The following ITSN1 variants were observed in gnomAD, a reference collection of about 807,000 sequenced individuals.
The protein encoded by ITSN1 is intersectin 1.
A neutral mutation model predicts 239.8 loss-of-function variants in ITSN1; 58 were observed. The observed-to-expected ratio is 0.24, with a 90% confidence interval of 0.20 to 0.30. The LOEUF (loss-of-function observed/expected upper bound fraction) is 0.30. Among genes scored for constraint, ITSN1 ranks in the 10% least tolerant of loss-of-function variants. The pLI is 1.00. For missense variants in ITSN1, 1,558 were observed against 2,103.3 expected (o/e 0.74, Z 5.07); for synonymous variants, 780 against 770.8 (o/e 1.01, Z -0.20).
At chr21:33,655,699 C>G (rs893472596) in intron 1 of ITSN1, among the ~76,000 whole-genome samples, 1 of 150,620 alleles carries the variant, frequency 6.6e-6, no homozygotes, top group South Asian at 2.1e-4. Flanking sequence ...TCCCAAAGTG[C>G]TGGAATTACA....
At chr21:33,701,546 A>G (rs191740749) in intron 1 of ITSN1, among the ~76,000 whole-genome samples, 1 of 152,002 alleles carries the variant, frequency 6.6e-6, no homozygotes, top group Admixed American at 6.6e-5. Flanking sequence ...TAATCCCAGC[A>G]CTTTGAGAGG....
Position 33,810,995 on chromosome 21 carries a change from A to C in ITSN1, c.2340A>C (p.Gly780=). The C allele has an allele frequency of 6.2e-7, 1 of 1,614,200 alleles. No homozygotes were observed. The highest frequency in any genetic ancestry group is 8.5e-7 in the Non-Finnish European group (1 of 1,180,038). The part of the protein sequence containing the change: ...KGEWVDESQT[G]EPGWLGGELK... The stretch of plus-strand genomic sequence containing the variant: ...CACAGGTGGATGAAAGCCAAACTGG[A>C]GAACCCGGCTGGCTTGGAGGAGAAT... The change falls in exon 21 of 40, where the codon GGA becomes GGC. Residue 780 remains glycine (G), a synonymous_variant. Coordinates refer to ENST00000381318, the MANE Select transcript of ITSN1 (RefSeq NM_003024.3).
chr21:33,675,646 A>G (rs931427280), intron 1 of ITSN1, among the ~76,000 whole-genome samples: 1 of 152,202 alleles, frequency 6.6e-6, no homozygotes, highest in Non-Finnish European at 1.5e-5. Flanking sequence ...TGTTCTCACT[A>G]GTAGCTGTGT....
chr21:33,788,966 A>C (rs943921255), intron 16 of ITSN1, among the ~76,000 whole-genome samples: 2 of 152,190 alleles, frequency 1.3e-5, no homozygotes, highest in Non-Finnish European at 2.9e-5. Context: ...TTTTTAAATG[A>C]ATGAATAAAT....
chr21:33,689,616 C>T lies in ITSN1; in HGVS notation c.-32-29181C>T, dbSNP rs560324849. The stretch of plus-strand genomic sequence containing the variant: ...GCTTGCACTCAGGAGTTCGAGGCTA[C>T]AGTGAGCTATGATCGCACCACTGTA... On this transcript the variant is annotated intron_variant, in intron 1 of 39. Coordinates refer to ENST00000381318, the MANE Select transcript of ITSN1 (RefSeq NM_003024.3). Among the ~76,000 whole-genome samples, 4 of 152,236 alleles carry T rather than the reference C, an allele frequency of 2.6e-5. No homozygotes were observed. In the South Asian group the frequency reaches 8.3e-4, roughly 32 times the overall value.
At chr21:33,781,886 A>T in intron 15 of ITSN1, 108 bp from the exon 16 acceptor site, 1 of 1,153,550 alleles carries the variant, frequency 8.7e-7, no homozygotes. Flanking sequence ...GCCTTTTCTT[A>T]TTTTTTAACC....
At chr21:33,656,883 TGCATTTTTA>T (rs1170437555) in intron 1 of ITSN1, among the ~76,000 whole-genome samples, 7 of 152,112 alleles carry the variant, frequency 4.6e-5, no homozygotes, top group South Asian at 2.1e-4. Flanking sequence ...GCTAATTTTT[TGCATTTTTA>T]GCATTTTTAG....
chr21:33,699,210 A>C (rs2091913152), intron 1 of ITSN1, among the ~76,000 whole-genome samples: 1 of 152,078 alleles, frequency 6.6e-6, no homozygotes, highest in Non-Finnish European at 1.5e-5. Context: ...TTGATGCCAC[A>C]TTTCTACCAA....
Position 33,772,275 on chromosome 21 carries a change from A to G in ITSN1, c.1257A>G (p.Leu419=). The change falls in exon 12 of 40, where the codon CTA becomes CTG. Residue 419 remains leucine (L), a synonymous_variant. Transcript: ENST00000381318. Reference sequence around the variant, plus strand: ...AGCAACTGGAAAAGCAGCGGGAGCTAGAACGGCAGAGAGAGGAGGAGAGGA... The same window carrying G: ...AGCAACTGGAAAAGCAGCGGGAGCTGGAACGGCAGAGAGAGGAGGAGAGGA... ...LEKQLEKQRE[L]ERQREEERRK... 1 of 1,575,266 alleles carries G rather than the reference A, an allele frequency of 6.3e-7. No individual in the cohort carries two copies. The highest frequency in any genetic ancestry group is 2.3e-5 in the East Asian group (1 of 43,108).
chr21:33,836,910 T>C, intron 29 of ITSN1: 3 of 1,106,726 alleles, frequency 2.7e-6, no homozygotes, highest in Non-Finnish European at 1.3e-6. Flanking sequence ...GCTGTTTACA[T>C]GCCTGACTCA....
At chr21:33,790,797 T>C (rs1179305852) in intron 16 of ITSN1, among the ~76,000 whole-genome samples, 5 of 152,108 alleles carry the variant, frequency 3.3e-5, no homozygotes, top group African/African-American at 1.2e-4. Flanking sequence ...CTTAGCCATT[T>C]CCCCCAATAA....
At chr21:33,783,693 A>C (rs2070392245) in intron 16 of ITSN1, among the ~76,000 whole-genome samples, 1 of 55,988 alleles carries the variant, frequency 1.8e-5, no homozygotes, top group African/African-American at 1.1e-4. Flanking sequence ...TTTATAAGCA[A>C]AAAAAAAAAA....
At chr21:33,666,940 A>G in intron 1 of ITSN1, among the ~76,000 whole-genome samples, 1 of 152,140 alleles carries the variant, frequency 6.6e-6, no homozygotes, top group East Asian at 1.9e-4. Flanking sequence ...CTGGGACTGC[A>G]GGGAGGCATT....
Position 33,781,453 on chromosome 21 carries a change from C to T in ITSN1, c.1597-8C>T, listed in dbSNP as rs2070172487. The stretch of plus-strand genomic sequence containing the variant: ...TCATTCATTACTATTTTCCTCCTTC[C>T]TTCCCAGGAATCTCAGCAAATGCTT... On this transcript the variant is annotated splice_polypyrimidine_tract_variant and splice_region_variant and intron_variant, in intron 14 of 39. Coordinates refer to ENST00000381318, the MANE Select transcript of ITSN1 (RefSeq NM_003024.3). 7 of 1,530,410 alleles carry T rather than the reference C, an allele frequency of 4.6e-6. No homozygotes were observed. The allele number at this position is 1,530,410 out of a possible 1,614,324, so 94.8% of individuals were successfully genotyped here.
At chr21:33,690,775 G>GTATATATATATATATATATATATA (rs1160314187) in intron 1 of ITSN1, among the ~76,000 whole-genome samples, 1 of 21,612 alleles carries the variant, frequency 4.6e-5, no homozygotes, top group African/African-American at 1.6e-4. Context: ...AAAAAAAAGT[G>GTATATATATATATATATATATATA]TATATATATA....
chr21:33,808,931 A>G (rs1051182654), intron 20 of ITSN1, among the ~76,000 whole-genome samples: 5 of 152,152 alleles, frequency 3.3e-5, no homozygotes, highest in Non-Finnish European at 5.9e-5. Flanking sequence ...TATTGAACCT[A>G]CTGAGAAGTC....
intron 1 of ITSN1, among the ~76,000 whole-genome samples, chr21:33,666,470 AT>A (rs2089938751): frequency 1.9e-5 from 2 of 107,380 alleles, no homozygotes; most frequent in Admixed American, 2.0e-4. Flanking sequence ...TTTAAAAAAA[AT>A]AAATATTTCG....
At chr21:33,735,297 A>C in intron 5 of ITSN1, 93 bp downstream of exon 5, 1 of 1,301,250 alleles carries the variant, frequency 7.7e-7, no homozygotes, top group Non-Finnish European at 1.1e-6. Flanking sequence ...TAACATTATG[A>C]AATTCTAGGA....
At position 33,829,637 on chromosome 21, in the gene ITSN1, T is replaced by C. The variant is rs570318587; in HGVS notation, c.3243T>C (p.Val1081=). 1.9e-6 allele frequency: 3 copies of C among 1,612,250 alleles called. No individual in the cohort carries two copies. The highest frequency in any genetic ancestry group is 4.5e-5 in the East Asian group (2 of 44,876). Residue 1081 remains valine (V), a synonymous_variant, in exon 27 of 40, where the codon GTT becomes GTC. Coordinates refer to ENST00000381318, the MANE Select transcript of ITSN1 (RefSeq NM_003024.3). The part of the protein sequence containing the change: ...SLGKKPEIAQ[V]IASYTATGPE... ...CTTGTTTTTCAGAAATTGCCCAGGT[T>C]ATTGCCTCATACACCGCCACCGGCC...
Sources: allele counts gnomAD v4.1 joint callset (sites outside exome capture counted in the v4.1 genomes callset), GRCh38; gene constraint gnomAD v4.1.1; transcripts MANE v1.5; gene names NCBI Gene and HGNC (gene_info 2026-07-23, HGNC 2026-07-21).